Variants in PRDM11 observed in about 807,000 individuals in gnomAD.
PRDM11 encodes PR domain-containing protein 11.
In PRDM11, 20 loss-of-function variants were observed where a neutral mutation model predicts 97.8. The observed-to-expected ratio is 0.20, with a 90% CI of 0.14 to 0.30. The LOEUF is 0.30. Ranked by LOEUF, PRDM11 falls within the 10% of genes least tolerant of loss-of-function variation. PRDM11 has a pLI of 1.00. For missense variants in PRDM11, 1,139 were observed against 1,555.2 expected, an observed-to-expected ratio of 0.73 and a Z score of 4.50; for synonymous variants, 599 against 637.7, an observed-to-expected ratio of 0.94 and a Z score of 0.91.
At chr11:45,094,710 GGGAGGAAAAGACGGAA>G (rs1851861597), upstream of PRDM11, among the ~76,000 whole-genome samples, 1 of 131,300 alleles carries the variant, frequency 7.6e-6, no homozygotes, top group Non-Finnish European at 1.6e-5. Context: ...AAGGGAGGGA[GGGAGGAAAAGACGGAA>G]GGAGGGAGGG....
intron 1 of PRDM11, among the ~76,000 whole-genome samples, chr11:45,118,143 T>G (rs375169641): frequency 6.6e-6 from 1 of 152,214 alleles, no homozygotes; most frequent in East Asian, 1.9e-4. Flanking sequence ...GTCTTTGAAA[T>G]TGCCATAACC....
At chr11:45,172,470 T>G (rs1450197003) in intron 1 of PRDM11, among the ~76,000 whole-genome samples, 2 of 152,106 alleles carry the variant, frequency 1.3e-5, no homozygotes, top group Admixed American at 6.6e-5. Flanking sequence ...TCAGGTATGA[T>G]CCGGTGGGGC....
Position 45,156,714 on chromosome 11 carries a change from C to T in PRDM11, c.-7+9837C>T, listed in dbSNP as rs143072502. ...GGGTCTTGGGATTGAAGGTAGGATG[C>T]GCCTGGCTTGCTCATGGATATGGGG... On this transcript the variant is annotated intron_variant, in intron 1 of 7. Coordinates refer to ENST00000683152, the MANE Select transcript of PRDM11 (RefSeq NM_001384648.1). Among the ~76,000 whole-genome samples the T allele has an allele frequency of 1.3e-4, 20 of 152,274 alleles. No homozygotes were observed. The East Asian group carries it at 3.3e-3, about 25-fold the overall frequency.
At chr11:45,141,769 G>A (rs907905244), upstream of PRDM11, among the ~76,000 whole-genome samples, 1 of 152,186 alleles carries the variant, frequency 6.6e-6, no homozygotes, top group African/African-American at 2.4e-5. Flanking sequence ...TGCCTGAAAG[G>A]ACTGTCCATG....
chr11:45,100,547 G>C, intron 1 of PRDM11, among the ~76,000 whole-genome samples: 1 of 152,138 alleles, frequency 6.6e-6, no homozygotes, highest in East Asian at 1.9e-4. Flanking sequence ...CCACCCACTG[G>C]TGCTCATCAT....
At chr11:45,141,417 G>A (rs745452374) in intron 1 of PRDM11, among the ~76,000 whole-genome samples, 2 of 152,186 alleles carry the variant, frequency 1.3e-5, no homozygotes, top group African/African-American at 4.8e-5. Context: ...GGCTTTCCTG[G>A]CCTGTCAGAA....
chr11:45,134,364 A>G (rs546950035), intron 1 of PRDM11, among the ~76,000 whole-genome samples: 1 of 152,326 alleles, frequency 6.6e-6, no homozygotes, highest in East Asian at 1.9e-4. Context: ...AGAGACTAGT[A>G]TAAACTTGAG....
chr11:45,212,445 C>A (rs1343623152), intron 5 of PRDM11: 4 of 368,738 alleles, frequency 1.1e-5, no homozygotes, highest in Middle Eastern at 8.0e-4. Context: ...AACCACTTTT[C>A]CATCTTTGTT....
chr11:45,124,797 T>A (rs1357043334), intron 1 of PRDM11, among the ~76,000 whole-genome samples: 3 of 152,238 alleles, frequency 2.0e-5, no homozygotes, highest in African/African-American at 7.2e-5. Context: ...GGTCTAACAT[T>A]CTCTGTTTTG....
intron 1 of PRDM11, among the ~76,000 whole-genome samples, chr11:45,181,102 G>A (rs983736436): frequency 6.6e-6 from 1 of 152,192 alleles, no homozygotes; most frequent in Non-Finnish European, 1.5e-5. Context: ...GAGTGTCCCC[G>A]GGCTTGGCAT....
At chr11:45,180,977 G>A (rs1453472728) in intron 1 of PRDM11, among the ~76,000 whole-genome samples, 1 of 152,150 alleles carries the variant, frequency 6.6e-6, no homozygotes, top group African/African-American at 2.4e-5. Context: ...CTGATTAGCC[G>A]AGGAGCAGGG....
chr11:45,105,769 A>G (rs1852050815), intron 1 of PRDM11, among the ~76,000 whole-genome samples: 1 of 152,204 alleles, frequency 6.6e-6, no homozygotes, highest in African/African-American at 2.4e-5. Context: ...AGCCTCTGCT[A>G]CAAGGCAGTG....
rs375248605 is a variant in PRDM11 at position 45,231,555 on chromosome 11, T to G, written c.*3396T>G. On this transcript the variant is annotated 3_prime_UTR_variant, in exon 8 of 8. Coordinates refer to ENST00000683152, the MANE Select transcript of PRDM11 (RefSeq NM_001384648.1). ...ACTTGGCATAACTGGGCTGGCTGATTAGTGACTTTCTTTGGCTCGTAGGGT... is the reference window on the plus strand; with the variant it reads ...ACTTGGCATAACTGGGCTGGCTGATGAGTGACTTTCTTTGGCTCGTAGGGT... 4.6e-5 allele frequency: 7 copies of G among 152,110 alleles called. No homozygotes were observed. The South Asian group carries it at 8.3e-4, about 18-fold the overall frequency. 9.4% of individuals were successfully genotyped at this position (152,110 alleles called of 1,614,324 possible).
intron 1 of PRDM11, among the ~76,000 whole-genome samples, chr11:45,102,203 G>A (rs77924518): frequency 2.1e-5 from 1 of 48,670 alleles, no homozygotes; most frequent in African/African-American, 1.8e-4. Flanking sequence ...GAGGCTGAGC[G>A]GAGGAAGAAG....
rs1854318331 is a variant in PRDM11, at chr11:45,228,030, C to T, written c.3405C>T (p.Ser1135=). Residue 1135 remains serine, a synonymous_variant, in exon 8 of 8, where the codon AGC becomes AGT. Transcript: ENST00000683152. ...TNFDAKRALD[S]WFEEKSGNSY... ...TTGATGCCAAGCGAGCCCTGGACAG[C>T]TGGTTTGAGGAGAAGTCTGGGAACA... 2.6e-6 allele frequency: 4 copies of T among 1,533,644 alleles called. No homozygotes were observed. The South Asian group carries it at 3.6e-5, about 14-fold the overall frequency.
At chr11:45,151,787 G>C (rs1292030592) in intron 1 of PRDM11, among the ~76,000 whole-genome samples, 1 of 152,162 alleles carries the variant, frequency 6.6e-6, no homozygotes, top group Non-Finnish European at 1.5e-5. Context: ...GAGGGGAGAG[G>C]CTTCAGGCCC....
intron 1 of PRDM11, among the ~76,000 whole-genome samples, chr11:45,133,294 TG>T (rs1275657162): frequency 6.6e-6 from 1 of 152,202 alleles, no homozygotes; most frequent in Non-Finnish European, 1.5e-5. Flanking sequence ...AGGACATAAG[TG>T]ACTCCTATCA....
At chr11:45,205,423 A>G (rs895303304) in intron 5 of PRDM11, among the ~76,000 whole-genome samples, 2 of 152,080 alleles carry the variant, frequency 1.3e-5, no homozygotes, top group Non-Finnish European at 2.9e-5. Flanking sequence ...GGTCTGTGCC[A>G]TGTGCGAGGG....
intron 1 of PRDM11, among the ~76,000 whole-genome samples, chr11:45,180,415 C>T (rs1852442889): frequency 6.6e-6 from 1 of 152,060 alleles, no homozygotes; most frequent in Non-Finnish European, 1.5e-5. Flanking sequence ...TGGGGACACC[C>T]GCCCGGCCTC....
Sources: allele counts gnomAD v4.1 joint callset (sites outside exome capture counted in the v4.1 genomes callset), GRCh38; gene constraint gnomAD v4.1.1; transcripts MANE v1.5; gene names NCBI Gene and HGNC (gene_info 2026-07-23, HGNC 2026-07-21).